Variants in BTBD3 observed in about 807,000 individuals in gnomAD.
BTBD3 encodes the protein BTB domain containing 3.
BTBD3 carries 14 observed loss-of-function variants against 41.6 expected under a neutral mutation model. The ratio of observed to expected loss-of-function variants is 0.34; its 90% CI spans 0.22 to 0.53. The LOEUF is 0.53. Ranked by LOEUF, BTBD3 falls within the 20% of genes least tolerant of loss-of-function variation. The pLI is 0.95. For synonymous variants in BTBD3, 249 were observed against 233.7 expected, an observed-to-expected ratio of 1.07 and a Z score of -0.60; for missense variants, 426 against 654.7, an observed-to-expected ratio of 0.65 and a Z score of 3.81.
intron 1 of BTBD3, among the ~76,000 whole-genome samples, chr20:11,907,544 A>G (rs532332943): frequency 1.3e-5 from 2 of 152,292 alleles, no homozygotes; most frequent in South Asian, 4.1e-4. Context: ...GCAGATATGG[A>G]GATGCAGTCC....
upstream of BTBD3, among the ~76,000 whole-genome samples, chr20:11,915,113 G>C (rs980207455): frequency 6.6e-6 from 1 of 152,188 alleles, no homozygotes; most frequent in Non-Finnish European, 1.5e-5. Flanking sequence ...ATACAATTGT[G>C]AAGTAGACCA....
At position 11,926,489 on chromosome 20, in the gene BTBD3, C is replaced by T. The variant is rs6104808; in HGVS notation, c.*2823C>T. On this transcript the variant is annotated 3_prime_UTR_variant, in exon 4 of 4. Coordinates refer to ENST00000378226, the MANE Select transcript of BTBD3 (RefSeq NM_014962.4). Reference sequence around the variant, plus strand: ...GAAAAAATACATAAATATGAAGTACCTCATGTTGAATGTTATTGTACTGTA... The same window carrying T: ...GAAAAAATACATAAATATGAAGTACTTCATGTTGAATGTTATTGTACTGTA... 1 of 152,556 alleles carries T rather than the reference C, an allele frequency of 6.6e-6. No homozygotes were observed. The highest frequency in any genetic ancestry group is 1.9e-4 in the East Asian group (1 of 5,202). 9.5% of individuals were successfully genotyped at this position (152,556 alleles called of 1,614,324 possible). A position where few individuals can be genotyped will look rare whatever the true frequency, so the allele number is the denominator to read the frequency against.
rs115263055 is a variant in BTBD3 at position 11,892,324 on chromosome 20, C to T, written c.-126+1370C>T. On this transcript the variant is annotated intron_variant, in intron 1 of 4. Transcript: ENST00000254977. The stretch of plus-strand genomic sequence containing the variant: ...CCTTCTTTTAACCCTACCTCAGTCC[C>T]CTACTCAACCCTCTGCCAGATCCCC... 7.0e-3 allele frequency among the ~76,000 whole-genome samples: 1,073 copies of T among 152,304 alleles called. 9 individuals are homozygous for T. The highest frequency in any genetic ancestry group is 0.024 in the African/African-American group (1,014 of 41,558).
At chr20:11,915,231 C>T (rs540766966), upstream of BTBD3, among the ~76,000 whole-genome samples, 4 of 152,242 alleles carry the variant, frequency 2.6e-5, no homozygotes, top group African/African-American at 7.2e-5. Flanking sequence ...TTGGGGCTGG[C>T]GCTTCCTTTC....
Position 11,918,593 on chromosome 20 carries a change from T to G in BTBD3, c.318T>G (p.Ile106Met). ...ACTGGCAGGGTCTTTATCCCACCAT[T>G]AGAGAGAGGTAAGTGCCGCGCTAGT... Reference protein sequence around the residue: ...APNWQGLYPTIRERNAMMFNN... With the variant: ...APNWQGLYPTMRERNAMMFNN... The change falls in exon 1 of 4, where the codon ATT becomes ATG. Residue 106 changes from isoleucine to methionine, a missense_variant. Physicochemically the swap from Ile to Met is conservative, Grantham distance 10. This residue lies in a region of BTBD3 where 321 missense variants were observed against 534.8 expected (regional missense o/e 0.60). Coordinates refer to ENST00000378226, the MANE Select transcript of BTBD3 (RefSeq NM_014962.4). The G allele has an allele frequency of 6.3e-7, 1 of 1,593,848 alleles. No individual in the cohort carries two copies. The highest frequency in any genetic ancestry group is 8.5e-7 in the Non-Finnish European group (1 of 1,172,748).
chr20:11,908,725 A>G (rs1280259931), intron 1 of BTBD3, among the ~76,000 whole-genome samples: 1 of 152,136 alleles, frequency 6.6e-6, no homozygotes, highest in Non-Finnish European at 1.5e-5. Context: ...AAAGCTAGGT[A>G]TGGAACCTCA....
intron 1 of BTBD3, among the ~76,000 whole-genome samples, chr20:11,902,153 C>T (rs1469401888): frequency 1.3e-5 from 2 of 151,434 alleles, no homozygotes; most frequent in Non-Finnish European, 2.9e-5. Flanking sequence ...AGAACATAAA[C>T]AGTCAGTAAA....
intron 1 of BTBD3, among the ~76,000 whole-genome samples, chr20:11,903,110 G>A (rs904508282): frequency 6.6e-6 from 1 of 152,050 alleles, no homozygotes; most frequent in African/African-American, 2.4e-5. Flanking sequence ...CTTTTACAAA[G>A]TCCTAACCTA....
chr20:11,920,171 GAA>G (rs2056956756), intron 3 of BTBD3, among the ~76,000 whole-genome samples: 1 of 152,190 alleles, frequency 6.6e-6, no homozygotes, highest in African/African-American at 2.4e-5. Context: ...CATTGTGTGT[GAA>G]AAAGTCTTTA....
chr20:11,895,017 A>G (rs1458036709), intron 1 of BTBD3, among the ~76,000 whole-genome samples: 2 of 152,220 alleles, frequency 1.3e-5, no homozygotes, highest in African/African-American at 4.8e-5. Flanking sequence ...ATAATTGTAC[A>G]TGGATATGAA....
intron 1 of BTBD3, chr20:11,891,096 G>A: frequency 1.9e-6 from 1 of 537,564 alleles, no homozygotes; most frequent in Non-Finnish European, 2.4e-6. Context: ...GCCGCAGGTC[G>A]GCCTCGGACC....
chr20:11,918,913 C>T, intron 1 of BTBD3, 173 bp from the exon 2 acceptor site: 3 of 575,568 alleles, frequency 5.2e-6, no homozygotes, highest in Non-Finnish European at 9.0e-6. Context: ...TAGTTACTTC[C>T]CTTATGTTTG....
At chr20:11,919,891 G>T in intron 3 of BTBD3, 55 bp downstream of exon 3, 2 of 1,450,868 alleles carry the variant, frequency 1.4e-6, no homozygotes, top group Non-Finnish European at 1.9e-6. Flanking sequence ...TTTGTACCCT[G>T]CTGGTTTCAC....
intron 1 of BTBD3, among the ~76,000 whole-genome samples, chr20:11,891,693 C>T (rs562005059): frequency 1.3e-5 from 2 of 152,156 alleles, no homozygotes; most frequent in African/African-American, 4.8e-5. Context: ...AGGCTTTTAC[C>T]TCCTGGCCTT....
At chr20:11,902,588 A>G (rs139649439) in intron 1 of BTBD3, among the ~76,000 whole-genome samples, 2 of 152,354 alleles carry the variant, frequency 1.3e-5, no homozygotes, top group Middle Eastern at 3.4e-3. Context: ...TCATGCTGAG[A>G]TGATTAGCAT....
chr20:11,898,141 G>A (rs2056799658), intron 1 of BTBD3, among the ~76,000 whole-genome samples: 1 of 152,100 alleles, frequency 6.6e-6, no homozygotes. Context: ...CAGCCTGGGG[G>A]ACAGAGTGAG....
chr20:11,909,323 A>G (rs1229545333), intron 1 of BTBD3: 4 of 151,342 alleles, frequency 2.6e-5, no homozygotes, highest in Admixed American at 2.6e-4. Flanking sequence ...ATTTGGTTCT[A>G]GAAGAGCTTT....
chr20:11,891,132 G>T (rs553881139), intron 1 of BTBD3, among the ~76,000 whole-genome samples: 1 of 149,972 alleles, frequency 6.7e-6, no homozygotes, highest in Non-Finnish European at 1.5e-5. Flanking sequence ...TCCCATATCC[G>T]TCCCCCGGGC....
chr20:11,902,570 GA>G (rs1343849656), intron 1 of BTBD3, among the ~76,000 whole-genome samples: 1 of 152,204 alleles, frequency 6.6e-6, no homozygotes, highest in Non-Finnish European at 1.5e-5. Context: ...ATTGGGGAGA[GA>G]AAGTGCTCAT....
Sources: allele counts gnomAD v4.1 joint callset (sites outside exome capture counted in the v4.1 genomes callset), GRCh38; gene constraint gnomAD v4.1.1; regional missense constraint gnomAD v4.1.1; transcripts MANE v1.5; gene names NCBI Gene and HGNC (gene_info 2026-07-23, HGNC 2026-07-21).